AVEN: variants seen among roughly 807,000 people sequenced by gnomAD.
AVEN encodes the protein cell death regulator Aven.
In AVEN, 41 loss-of-function variants were observed where a neutral mutation model predicts 38.1. That is an observed-to-expected ratio of 1.08 (90% CI 0.84 to 1.40). The LOEUF (loss-of-function observed/expected upper bound fraction) is 1.40. AVEN is among the 40% of genes most tolerant of loss of function. The pLI is 0.00. For missense variants in AVEN, 605 were observed against 438.8 expected, an observed-to-expected ratio of 1.38 and a Z score of -3.38; for synonymous variants, 206 against 171.8, an observed-to-expected ratio of 1.20 and a Z score of -1.56.
chr15:33,933,526 G>A (rs4041444), intron 2 of AVEN, among the ~76,000 whole-genome samples: 1 of 39,184 alleles, frequency 2.6e-5, no homozygotes, highest in African/African-American at 1.2e-4. Context: ...CACACACACA[G>A]AGAGAGAGAG....
chr15:34,058,485 C>T (rs1900231586), intron 5 of AVEN, among the ~76,000 whole-genome samples: 1 of 149,628 alleles, frequency 6.7e-6, no homozygotes, highest in South Asian at 2.2e-4. Flanking sequence ...AGAGAGAGAG[C>T]CAATTTCCCA....
intron 2 of AVEN, among the ~76,000 whole-genome samples, chr15:33,938,220 C>A (rs1001016367): frequency 6.6e-6 from 1 of 151,946 alleles, no homozygotes; most frequent in Non-Finnish European, 1.5e-5. Context: ...CTTTGGGAGG[C>A]CGAGGTGGGC....
chr15:34,032,023 GCACA>G (rs10643932), intron 1 of AVEN, among the ~76,000 whole-genome samples: 1 of 148,944 alleles, frequency 6.7e-6, no homozygotes, highest in African/African-American at 2.5e-5. Context: ...GCGCGCACAC[GCACA>G]CACACACACA....
At chr15:34,017,320 C>T (rs898586691) in intron 1 of AVEN, among the ~76,000 whole-genome samples, 1 of 151,992 alleles carries the variant, frequency 6.6e-6, no homozygotes, top group East Asian at 1.9e-4. Flanking sequence ...AGATCTCATC[C>T]CTGTTCCATA....
intron 2 of AVEN, among the ~76,000 whole-genome samples, chr15:33,901,428 G>A (rs961269690): frequency 4.6e-5 from 7 of 152,136 alleles, no homozygotes; most frequent in African/African-American, 1.7e-4. Context: ...CACTCACATT[G>A]TCTCCATATC....
At chr15:34,064,215 A>G in intron 4 of AVEN, 1 of 1,614,214 alleles carries the variant, frequency 6.2e-7, no homozygotes. Flanking sequence ...CCTCTGCAAC[A>G]GAACCTTCAG....
downstream of AVEN, among the ~76,000 whole-genome samples, chr15:33,857,248 C>T (rs2079777303): frequency 2.3e-4 from 1 of 4,398 alleles, no homozygotes; most frequent in African/African-American, 2.5e-4. Context: ...ATGGTGCTGG[C>T]AGCACCAGCA....
At chr15:33,918,147 G>A (rs746212797) in intron 2 of AVEN, among the ~76,000 whole-genome samples, 3 of 152,018 alleles carry the variant, frequency 2.0e-5, no homozygotes, top group Non-Finnish European at 2.9e-5. Context: ...ACAAAAATAA[G>A]TTGTTTCATT....
intron 3 of AVEN, chr15:34,066,558 A>G (rs1435901519): frequency 1.3e-5 from 2 of 152,194 alleles, no homozygotes; most frequent in African/African-American, 2.4e-5. Flanking sequence ...TAATCCCAGC[A>G]CTTTGGGAGG....
At chr15:34,072,943 C>G (rs970417054) in intron 1 of AVEN, among the ~76,000 whole-genome samples, 2 of 152,016 alleles carry the variant, frequency 1.3e-5, no homozygotes, top group Non-Finnish European at 2.9e-5. Flanking sequence ...GCCACCGCAC[C>G]CAGCCTACCT....
At chr15:34,060,325 A>G (rs1900292935) in intron 5 of AVEN, among the ~76,000 whole-genome samples, 1 of 152,200 alleles carries the variant, frequency 6.6e-6, no homozygotes, top group Non-Finnish European at 1.5e-5. Flanking sequence ...AGCATGCAAG[A>G]TTGGGAAGAT....
At chr15:33,916,923 C>G (rs111899158) in intron 2 of AVEN, among the ~76,000 whole-genome samples, 1 of 152,090 alleles carries the variant, frequency 6.6e-6, no homozygotes, top group Non-Finnish European at 1.5e-5. Context: ...TTCTTCACAT[C>G]GCAGCAGCAA....
intron 2 of AVEN, among the ~76,000 whole-genome samples, chr15:33,965,955 T>A (rs1393880634): frequency 6.6e-6 from 1 of 152,010 alleles, no homozygotes; most frequent in African/African-American, 2.4e-5. Flanking sequence ...ACATCAGGAA[T>A]ACCAAGAGCA....
intron 3 of AVEN, among the ~76,000 whole-genome samples, chr15:33,873,903 C>G (rs553617690): frequency 6.6e-6 from 1 of 152,266 alleles, no homozygotes; most frequent in South Asian, 2.1e-4. Context: ...ATCCTCCACT[C>G]AAGTCTTGTC....
chr15:33,856,790 G>C (rs6495290), downstream of AVEN: 133,676 of 152,436 alleles, frequency 0.88, 58,963 homozygotes, highest in Non-Finnish European at 0.92. Flanking sequence ...TCCCAAGTAG[G>C]TGGGATTACA....
chr15:33,986,946 C>T (rs575224787), intron 2 of AVEN, among the ~76,000 whole-genome samples: 7 of 152,266 alleles, frequency 4.6e-5, no homozygotes, highest in East Asian at 1.9e-4. Flanking sequence ...CATGAGCCAC[C>T]GCGCCCAGCC....
intron 2 of AVEN, among the ~76,000 whole-genome samples, chr15:33,964,804 G>T (rs2140479648): frequency 6.6e-6 from 1 of 152,250 alleles, no homozygotes; most frequent in South Asian, 2.1e-4. Context: ...CAACTCTCCA[G>T]GTTATCTAAG....
downstream of AVEN, chr15:33,865,099 A>T (rs370873939): frequency 2.0e-5 from 31 of 1,559,814 alleles, no homozygotes; most frequent in African/African-American, 3.5e-4. Context: ...CTGTGGTTTA[A>T]AAATAAGCAC....
At chr15:34,032,941 A>G (rs943690075) in intron 1 of AVEN, among the ~76,000 whole-genome samples, 1 of 152,240 alleles carries the variant, frequency 6.6e-6, no homozygotes, top group African/African-American at 2.4e-5. Flanking sequence ...CACTTGACAG[A>G]TTCTTAAAAT....
Sources: gnomAD v4.1 joint callset for allele counts (sites outside exome capture counted in the v4.1 genomes callset) on GRCh38, gnomAD v4.1.1 for gene constraint, MANE v1.5 for transcripts, NCBI Gene and HGNC (gene_info 2026-07-23, HGNC 2026-07-21) for gene names.